HTR7: variants seen among roughly 807,000 people sequenced by gnomAD.
HTR7 encodes the protein 5-hydroxytryptamine receptor 7.
A neutral mutation model predicts 34.0 loss-of-function variants in HTR7; 16 were observed. That is an observed-to-expected ratio of 0.47 (90% CI 0.32 to 0.71). The LOEUF (loss-of-function observed/expected upper bound fraction) is 0.71, where lower values mean the gene tolerates loss of function less well. Ranked by LOEUF, HTR7 falls within the 30% of genes least tolerant of loss-of-function variation. The probability of loss-of-function intolerance (pLI) is 0.04; values close to 1 mark genes in which losing one functional copy is unlikely to be tolerated. For synonymous variants in HTR7, 265 were observed against 260.2 expected (o/e 1.02, Z -0.18); for missense variants, 504 against 625.5 (o/e 0.81, Z 2.07).
At chr10:90,781,154 G>A (rs1460120123) in intron 1 of HTR7, among the ~76,000 whole-genome samples, 2 of 152,158 alleles carry the variant, frequency 1.3e-5, no homozygotes, top group Admixed American at 6.5e-5. Flanking sequence ...TCATTGTTAA[G>A]TGTATTCCTC....
chr10:90,804,691 G>T (rs1048824198), intron 1 of HTR7, among the ~76,000 whole-genome samples: 1 of 152,154 alleles, frequency 6.6e-6, no homozygotes, highest in African/African-American at 2.4e-5. Context: ...TTCTTTTAAA[G>T]ACTTCTATGG....
chr10:90,846,954 C>G (rs1405628389), intron 1 of HTR7, among the ~76,000 whole-genome samples: 1 of 152,222 alleles, frequency 6.6e-6, no homozygotes, highest in Non-Finnish European at 1.5e-5. Context: ...TTCCTGCTCC[C>G]TCTCTGTGAG....
chr10:90,749,219 A>G lies in HTR7; in HGVS notation c.915T>C (p.Leu305=). 6.2e-7 allele frequency: 1 copy of G among 1,613,978 alleles called. No individual in the cohort carries two copies. The highest frequency in any genetic ancestry group is 8.5e-7 in the Non-Finnish European group (1 of 1,179,990). The change falls in exon 2 of 4, where the codon CTT becomes CTC. Residue 305 remains leucine, a synonymous_variant. Transcript: ENST00000336152. The surrounding 1 kb of genome is among the most constrained non-coding windows in gnomAD (Gnocchi z 4.2). Reference sequence around the variant, plus strand: ...TCCTTTCATGCTTGAGGAGTCTCGAAAGGTTTGCACACTCTTCCACCTCCT... The same window carrying G: ...TCCTTTCATGCTTGAGGAGTCTCGAGAGGTTTGCACACTCTTCCACCTCCT... The part of the protein sequence containing the change: ...LQKEVEECAN[L]SRLLKHERKN...
intron 1 of HTR7, among the ~76,000 whole-genome samples, chr10:90,762,178 A>G (rs1283372722): frequency 6.6e-6 from 1 of 152,124 alleles, no homozygotes; most frequent in East Asian, 1.9e-4. Context: ...TATGGCAGTT[A>G]GTTGTATTTT....
At chr10:90,836,205 G>A (rs1225755720) in intron 1 of HTR7, among the ~76,000 whole-genome samples, 1 of 152,120 alleles carries the variant, frequency 6.6e-6, no homozygotes, top group Non-Finnish European at 1.5e-5. Context: ...GCTTTGGAGG[G>A]CAGGATGGCA....
Position 90,768,971 on chromosome 10 carries a change from C to T in HTR7, c.540-19377G>A, listed in dbSNP as rs116134558. On this transcript the variant is annotated intron_variant, in intron 1 of 3. Transcript: ENST00000336152. ...TCAGTTACAGAAGGTACCACTGAAA[C>T]AGCACAGTACTGATGATTCCTCCCA... Among the ~76,000 whole-genome samples, 145 of 152,258 alleles carry T rather than the reference C, an allele frequency of 9.5e-4. 1 individual carries two copies. The highest frequency in any genetic ancestry group is 3.4e-3 in the African/African-American group (140 of 41,534).
chr10:90,789,440 G>A (rs1845431943), intron 1 of HTR7, among the ~76,000 whole-genome samples: 1 of 152,160 alleles, frequency 6.6e-6, no homozygotes, highest in South Asian at 2.1e-4. Context: ...TGTGTCAGGA[G>A]GGATATGCCA....
chr10:90,803,180 T>A (rs1845656119), intron 1 of HTR7, among the ~76,000 whole-genome samples: 1 of 151,830 alleles, frequency 6.6e-6, no homozygotes, highest in Non-Finnish European at 1.5e-5. Context: ...TTTAAAAGCT[T>A]TAGAGCAGGA....
intron 1 of HTR7, among the ~76,000 whole-genome samples, chr10:90,791,530 G>A (rs891176303): frequency 6.6e-6 from 1 of 152,016 alleles, no homozygotes. Flanking sequence ...AGTGCCCCAG[G>A]TGTATGTAAG....
At chr10:90,849,838 C>T (rs147062288) in intron 1 of HTR7, among the ~76,000 whole-genome samples, 19 of 152,306 alleles carry the variant, frequency 1.2e-4, no homozygotes, top group East Asian at 9.6e-4. Context: ...CACTCACACA[C>T]GCATGCACGC....
intron 1 of HTR7, among the ~76,000 whole-genome samples, chr10:90,801,319 T>C (rs57729778): frequency 0.024 from 3,610 of 152,284 alleles, 156 homozygotes; most frequent in African/African-American, 0.082. Context: ...TTTTAGTCTA[T>C]CTTCCATTAG....
chr10:90,825,260 TGAGTCTGCAGGCTTATACCTCTAC>T (rs1846051687), intron 1 of HTR7, among the ~76,000 whole-genome samples: 1 of 152,192 alleles, frequency 6.6e-6, no homozygotes, highest in Non-Finnish European at 1.5e-5. Flanking sequence ...TGTACCTCTA[TGAGTCTGCAGGCTTATACCTCTAC>T]AAGGCTGCCG....
At chr10:90,786,491 T>C (rs1845382882) in intron 1 of HTR7, among the ~76,000 whole-genome samples, 1 of 152,202 alleles carries the variant, frequency 6.6e-6, no homozygotes, top group Non-Finnish European at 1.5e-5. Context: ...GAATAGGCTA[T>C]GAAATGCTTA....
chr10:90,824,601 T>C (rs1174599488), intron 1 of HTR7, among the ~76,000 whole-genome samples: 1 of 152,208 alleles, frequency 6.6e-6, no homozygotes, highest in Admixed American at 6.5e-5. Context: ...GCCTTGGCTC[T>C]TGGATTTCTG....
chr10:90,813,956 C>T lies in HTR7; in HGVS notation c.539+43177G>A, dbSNP rs538265020. Among the ~76,000 whole-genome samples the T allele has an allele frequency of 2.7e-4, 41 of 152,298 alleles. 1 individual carries two copies. The highest frequency in any genetic ancestry group is 8.9e-4 in the African/African-American group (37 of 41,560). ...CCTCCTCAAGCCTGTCTATAAAATC[C>T]GGTACACTCCACAGTGGGCCAGAAG... On this transcript the variant is annotated intron_variant, in intron 1 of 3. Transcript: ENST00000336152.
chr10:90,782,679 C>T (rs909249847), intron 1 of HTR7, among the ~76,000 whole-genome samples: 3 of 152,210 alleles, frequency 2.0e-5, no homozygotes, highest in South Asian at 4.1e-4. Context: ...AAAGATCTTC[C>T]AAAACAAGGT....
intron 1 of HTR7, among the ~76,000 whole-genome samples, chr10:90,782,947 A>G (rs909479257): frequency 1.3e-5 from 2 of 152,150 alleles, no homozygotes; most frequent in Admixed American, 6.5e-5. Context: ...AAGTCTGCAG[A>G]TCCATTGTGC....
At chr10:90,800,691 G>A (rs1845611982) in intron 1 of HTR7, among the ~76,000 whole-genome samples, 1 of 151,520 alleles carries the variant, frequency 6.6e-6, no homozygotes, top group Non-Finnish European at 1.5e-5. Flanking sequence ...AGATTTACTG[G>A]GCACTAACTA....
chr10:90,802,333 T>C (rs1845640384), intron 1 of HTR7, among the ~76,000 whole-genome samples: 1 of 152,244 alleles, frequency 6.6e-6, no homozygotes, highest in Non-Finnish European at 1.5e-5. Flanking sequence ...GTCAAGCTCT[T>C]GAGAGGAGTT....
Sources: allele counts gnomAD v4.1 joint callset (sites outside exome capture counted in the v4.1 genomes callset), GRCh38; gene constraint gnomAD v4.1.1; non-coding constraint Gnocchi (gnomAD v3.1); transcripts MANE v1.5; gene names NCBI Gene and HGNC (gene_info 2026-07-23, HGNC 2026-07-21).